The following GPC5 variants were observed in gnomAD, a reference collection of about 807,000 sequenced individuals.
The protein encoded by GPC5 is glypican 5.
Under a neutral mutation model 53.9 loss-of-function variants are expected in GPC5, and 47 were observed. That is an observed-to-expected ratio of 0.87 (90% CI 0.69 to 1.11). The LOEUF (loss-of-function observed/expected upper bound fraction) is 1.11, where lower values mean the gene tolerates loss of function less well. Among genes scored for constraint, GPC5 ranks in the 50% most tolerant of loss-of-function variants. GPC5 has a pLI of 0.00. For missense variants in GPC5, 748 were observed against 713.1 expected (o/e 1.05, Z -0.56); for synonymous variants, 286 against 263.3 (o/e 1.09, Z -0.84).
At chr13:92,011,378 T>C (rs1424198815) in intron 6 of GPC5, among the ~76,000 whole-genome samples, 1 of 152,218 alleles carries the variant, frequency 6.6e-6, no homozygotes, top group African/African-American at 2.4e-5. Flanking sequence ...TATTAAACTT[T>C]CTTGGTCTGA....
intron 6 of GPC5, among the ~76,000 whole-genome samples, chr13:92,095,622 C>T (rs2041416153): frequency 6.6e-6 from 1 of 152,178 alleles, no homozygotes; most frequent in Non-Finnish European, 1.5e-5. Context: ...GCAACCTCCA[C>T]CTCCTGGGTT....
At chr13:92,334,321 A>T (rs1012838280) in intron 7 of GPC5, among the ~76,000 whole-genome samples, 1 of 152,102 alleles carries the variant, frequency 6.6e-6, no homozygotes. Flanking sequence ...ATCAAGTCGC[A>T]TGAGACTTAT....
chr13:92,235,431 T>G (rs1182766938), intron 7 of GPC5, among the ~76,000 whole-genome samples: 2 of 152,076 alleles, frequency 1.3e-5, no homozygotes, highest in African/African-American at 4.8e-5. Context: ...CATGAGAAAA[T>G]TGCATATTTA....
chr13:92,834,798 T>A (rs1878168039), intron 7 of GPC5, among the ~76,000 whole-genome samples: 1 of 152,096 alleles, frequency 6.6e-6, no homozygotes, highest in Non-Finnish European at 1.5e-5. Context: ...GTGACTATAC[T>A]GCTGATCCAG....
intron 7 of GPC5, among the ~76,000 whole-genome samples, chr13:92,509,107 CTAAG>C (rs1164922878): frequency 1.3e-5 from 2 of 152,070 alleles, no homozygotes; most frequent in Non-Finnish European, 2.9e-5. Flanking sequence ...AAGAAAGTGG[CTAAG>C]TAATAGAATA....
rs144234073 is a variant in GPC5 at position 92,710,642 on chromosome 13, C to T, written c.1562-155640C>T. Reference sequence around the variant, plus strand: ...ATGCATGGAAGCCACTTGGGGACCTCGCTTAACACACTTATTTTCCAGAAT... The same window carrying T: ...ATGCATGGAAGCCACTTGGGGACCTTGCTTAACACACTTATTTTCCAGAAT... On this transcript the variant is annotated intron_variant, in intron 7 of 7. Coordinates refer to ENST00000377067, the MANE Select transcript of GPC5 (RefSeq NM_004466.6). Among the ~76,000 whole-genome samples the T allele has an allele frequency of 5.3e-5, 8 of 152,234 alleles. No individual in the cohort carries two copies. The East Asian group carries it at 1.4e-3, about 26-fold the overall frequency.
chr13:91,955,009 A>G (rs1387896526), intron 6 of GPC5, among the ~76,000 whole-genome samples: 1 of 152,202 alleles, frequency 6.6e-6, no homozygotes, highest in Non-Finnish European at 1.5e-5. Flanking sequence ...TCAGATAATT[A>G]GGAATTAATC....
At chr13:91,410,156 C>T (rs1460866264) in intron 1 of GPC5, among the ~76,000 whole-genome samples, 1 of 152,078 alleles carries the variant, frequency 6.6e-6, no homozygotes, top group Non-Finnish European at 1.5e-5. Flanking sequence ...CAGGCTTGTC[C>T]CTTTTCCCTT....
intron 2 of GPC5, among the ~76,000 whole-genome samples, chr13:91,551,087 G>T (rs896502386): frequency 3.3e-5 from 5 of 151,988 alleles, no homozygotes; most frequent in Non-Finnish European, 7.4e-5. Context: ...TACATCCTGG[G>T]TTATTGTGAG....
chr13:91,978,893 C>T (rs923703813), intron 6 of GPC5, among the ~76,000 whole-genome samples: 1 of 152,032 alleles, frequency 6.6e-6, no homozygotes, highest in Non-Finnish European at 1.5e-5. Flanking sequence ...ATGAAGAGGA[C>T]TTGGAAGATT....
intron 7 of GPC5, among the ~76,000 whole-genome samples, chr13:92,622,177 G>T (rs1391413021): frequency 1.3e-5 from 2 of 152,126 alleles, no homozygotes. Flanking sequence ...CTGAGGCATT[G>T]GTTATTCTGA....
At chr13:91,986,065 T>TTC (rs2040404654) in intron 6 of GPC5, among the ~76,000 whole-genome samples, 1 of 134,670 alleles carries the variant, frequency 7.4e-6, no homozygotes, top group African/African-American at 2.8e-5. Context: ...CCAATACTTT[T>TTC]TTTTTTTTTT....
chr13:91,973,169 T>C (rs577386514), intron 6 of GPC5, among the ~76,000 whole-genome samples: 1 of 152,282 alleles, frequency 6.6e-6, no homozygotes, highest in East Asian at 1.9e-4. Context: ...TTCGTTTCTT[T>C]TTATTCTTTT....
intron 7 of GPC5, among the ~76,000 whole-genome samples, chr13:92,187,498 A>T (rs546291157): frequency 7.9e-5 from 12 of 152,186 alleles, no homozygotes; most frequent in Non-Finnish European, 1.5e-4. Flanking sequence ...ATACCCTTTT[A>T]GTTACCCTGT....
intron 7 of GPC5, among the ~76,000 whole-genome samples, chr13:92,587,320 C>T (rs571548600): frequency 6.6e-6 from 1 of 152,170 alleles, no homozygotes; most frequent in South Asian, 2.1e-4. Flanking sequence ...TTTAATTTAT[C>T]CTTACAAAGC....
At chr13:92,834,354 G>T (rs1878153935) in intron 7 of GPC5, among the ~76,000 whole-genome samples, 1 of 152,080 alleles carries the variant, frequency 6.6e-6, no homozygotes, top group Non-Finnish European at 1.5e-5. Flanking sequence ...CGGAACTGAA[G>T]TGTACCACTG....
intron 7 of GPC5, among the ~76,000 whole-genome samples, chr13:92,158,999 T>G (rs1297182899): frequency 6.6e-6 from 1 of 152,180 alleles, no homozygotes; most frequent in Non-Finnish European, 1.5e-5. Context: ...ATGAGTGTGG[T>G]GCTCACATGT....
At chr13:92,238,364 T>C (rs1594025884) in intron 7 of GPC5, among the ~76,000 whole-genome samples, 1 of 152,008 alleles carries the variant, frequency 6.6e-6, no homozygotes, top group Non-Finnish European at 1.5e-5. Context: ...TACTTATCAA[T>C]ACTTATTTTC....
At chr13:92,664,946 A>T (rs759152545) in intron 7 of GPC5, among the ~76,000 whole-genome samples, 1 of 152,206 alleles carries the variant, frequency 6.6e-6, no homozygotes, top group Non-Finnish European at 1.5e-5. Context: ...TGACCATTCC[A>T]TGGAATATTA....
Sources: allele counts gnomAD v4.1 joint callset (sites outside exome capture counted in the v4.1 genomes callset), GRCh38; gene constraint gnomAD v4.1.1; transcripts MANE v1.5; gene names NCBI Gene and HGNC (gene_info 2026-07-23, HGNC 2026-07-21).